Variants in NELL2 observed in about 807,000 individuals in gnomAD.
NELL2 encodes protein kinase C-binding protein NELL2.
NELL2 carries 41 observed loss-of-function variants against 109.6 expected under a neutral mutation model. The ratio of observed to expected loss-of-function variants is 0.37; its 90% confidence interval spans 0.29 to 0.49. The LOEUF is 0.49. Among genes scored for constraint, NELL2 ranks in the 20% least tolerant of loss-of-function variants. The pLI is 0.98. For synonymous variants in NELL2, 355 were observed against 344.7 expected (o/e 1.03, Z -0.33); for missense variants, 900 against 1,008.3 (o/e 0.89, Z 1.45).
intron 1 of NELL2, among the ~76,000 whole-genome samples, chr12:44,894,020 T>C (rs933667245): frequency 6.6e-6 from 1 of 152,184 alleles, no homozygotes; most frequent in African/African-American, 2.4e-5. Context: ...TCAACACATC[T>C]ACTTAGAACA....
intron 12 of NELL2, among the ~76,000 whole-genome samples, chr12:44,672,573 T>C (rs10785516): frequency 0.17 from 26,477 of 152,182 alleles, 2,418 homozygotes; most frequent in East Asian, 0.23. Context: ...GCTATCAAAC[T>C]TTGTTAATTG....
Position 44,639,822 on chromosome 12 carries a change from A to ACTTCCATTTCAATGGCTTAC in NELL2, c.1444+25661_1444+25662insGTAAGCCATTGAAATGGAAG, listed in dbSNP as rs571800037. Among the ~76,000 whole-genome samples the ACTTCCATTTCAATGGCTTAC allele has an allele frequency of 4.5e-3, 689 of 152,292 alleles. 6 individuals carry two copies. The highest frequency in any genetic ancestry group is 0.016 in the African/African-American group (649 of 41,572). On this transcript the variant is annotated intron_variant, in intron 13 of 19. Coordinates refer to ENST00000429094, the MANE Select transcript of NELL2 (RefSeq NM_001145108.2). Reference sequence around the variant, plus strand: ...TAAAACACTTCAATGGCTTACCATGACATCTAGCCTGAAATGGAAACTCCT... The same window carrying ACTTCCATTTCAATGGCTTAC: ...TAAAACACTTCAATGGCTTACCATGACTTCCATTTCAATGGCTTACCATCTAGCCTGAAATGGAAACTCCT...
intron 15 of NELL2, among the ~76,000 whole-genome samples, chr12:44,557,724 ATTG>A (rs1362155867): frequency 6.6e-6 from 1 of 152,176 alleles, no homozygotes; most frequent in African/African-American, 2.4e-5. Context: ...CAAATTTGGT[ATTG>A]TTTGATATAT....
intron 2 of NELL2, among the ~76,000 whole-genome samples, chr12:44,827,316 C>T (rs1943743761): frequency 1.3e-5 from 2 of 151,012 alleles, no homozygotes. Flanking sequence ...CCATTATACT[C>T]TTTTAGTTAT....
intron 15 of NELL2, among the ~76,000 whole-genome samples, chr12:44,566,173 A>G (rs1943650594): frequency 6.6e-6 from 1 of 152,202 alleles, no homozygotes; most frequent in African/African-American, 2.4e-5. Flanking sequence ...TCAAAATTAC[A>G]TAACTCAATG....
At chr12:44,647,658 T>C (rs931773663) in intron 13 of NELL2, among the ~76,000 whole-genome samples, 7 of 152,180 alleles carry the variant, frequency 4.6e-5, no homozygotes, top group African/African-American at 1.7e-4. Context: ...TTATCCCACT[T>C]TCTAATGAGA....
intron 15 of NELL2, among the ~76,000 whole-genome samples, chr12:44,543,046 T>C (rs923998530): frequency 1.3e-5 from 2 of 152,210 alleles, no homozygotes; most frequent in African/African-American, 4.8e-5. Flanking sequence ...GGTTTTGTGG[T>C]ACTTTACTAT....
chr12:44,770,070 T>C (rs1420897784), intron 9 of NELL2, among the ~76,000 whole-genome samples: 1 of 152,118 alleles, frequency 6.6e-6, no homozygotes, highest in Admixed American at 6.5e-5. Flanking sequence ...AATGTCACAA[T>C]CTACCTGGCT....
Position 44,780,037 on chromosome 12 carries a change from G to A in NELL2, c.336-15C>T, listed in dbSNP as rs1592517866. On this transcript the variant is annotated splice_polypyrimidine_tract_variant and intron_variant, in intron 3 of 19. Transcript: ENST00000429094. ...GTTCCAGGTACCTGCAGAGAGAAGA[G>A]CCACATGGGACACATTAAAAATAAA... is the stretch of plus-strand genomic sequence containing the variant. 1.2e-6 allele frequency: 2 copies of A among 1,612,368 alleles called. No individual in the cohort carries two copies. The highest frequency in any genetic ancestry group is 1.7e-6 in the Non-Finnish European group (2 of 1,179,130).
chr12:44,760,904 T>C (rs951344021), intron 9 of NELL2, among the ~76,000 whole-genome samples: 1 of 152,148 alleles, frequency 6.6e-6, no homozygotes, highest in Non-Finnish European at 1.5e-5. Flanking sequence ...TTACGTGAAA[T>C]TTTACATATT....
chr12:44,732,970 G>T (rs1025403674), intron 9 of NELL2, among the ~76,000 whole-genome samples: 4 of 151,948 alleles, frequency 2.6e-5, no homozygotes, highest in African/African-American at 9.7e-5. Context: ...CTAATTATCA[G>T]AAAAATGCAA....
At chr12:44,580,982 G>A (rs1057242041) in intron 15 of NELL2, among the ~76,000 whole-genome samples, 14 of 152,122 alleles carry the variant, frequency 9.2e-5, no homozygotes, top group Admixed American at 8.5e-4. Flanking sequence ...AGTAAAACAT[G>A]TTACCTTCAT....
chr12:44,780,838 G>A (rs1566378600), intron 3 of NELL2, among the ~76,000 whole-genome samples: 1 of 152,012 alleles, frequency 6.6e-6, no homozygotes, highest in Non-Finnish European at 1.5e-5. Flanking sequence ...TGTCAACAAA[G>A]GCAAGTGGGG....
intron 19 of NELL2, among the ~76,000 whole-genome samples, chr12:44,517,697 A>G (rs1475732928): frequency 2.0e-5 from 3 of 152,120 alleles, no homozygotes; most frequent in African/African-American, 7.2e-5. Context: ...ATTAAAATTT[A>G]AATAGCCACA....
intron 1 of NELL2, among the ~76,000 whole-genome samples, chr12:44,905,105 G>A (rs1457701688): frequency 6.6e-6 from 1 of 152,064 alleles, no homozygotes; most frequent in East Asian, 1.9e-4. Context: ...TATCTTATTT[G>A]AAAATCCAAA....
At chr12:44,864,006 T>C (rs1566555566) in intron 2 of NELL2, among the ~76,000 whole-genome samples, 1 of 152,126 alleles carries the variant, frequency 6.6e-6, no homozygotes, top group Non-Finnish European at 1.5e-5. Context: ...CTGTTTTAAC[T>C]ACAAAATGTT....
intron 2 of NELL2, among the ~76,000 whole-genome samples, chr12:44,856,620 A>G (rs1944691409): frequency 6.6e-6 from 1 of 152,222 alleles, no homozygotes; most frequent in Non-Finnish European, 1.5e-5. Context: ...AAAGCCCTGC[A>G]GCAGGAGAGT....
chr12:44,788,819 C>A (rs1158129527), intron 3 of NELL2, among the ~76,000 whole-genome samples: 2 of 152,116 alleles, frequency 1.3e-5, no homozygotes, highest in Non-Finnish European at 2.9e-5. Flanking sequence ...GCTGTTGGGG[C>A]AGGGCACAGG....
intron 3 of NELL2, among the ~76,000 whole-genome samples, chr12:44,782,580 G>T (rs1942004568): frequency 6.6e-6 from 1 of 151,546 alleles, no homozygotes; most frequent in Admixed American, 6.6e-5. Context: ...ATTAATCAAA[G>T]GAAAGCAGAA....
Sources: allele counts gnomAD v4.1 joint callset (sites outside exome capture counted in the v4.1 genomes callset), GRCh38; gene constraint gnomAD v4.1.1; transcripts MANE v1.5; gene names NCBI Gene and HGNC (gene_info 2026-07-23, HGNC 2026-07-21).